The following SUSD6 variants were observed in gnomAD, a reference collection of about 807,000 sequenced individuals.
The protein encoded by SUSD6 is sushi domain containing 6.
SUSD6 carries 16 observed loss-of-function variants against 28.4 expected under a neutral mutation model. The observed-to-expected ratio is 0.56, with a 90% CI of 0.38 to 0.86. The LOEUF (loss-of-function observed/expected upper bound fraction) is 0.86, where lower values mean the gene tolerates loss of function less well. Among genes scored for constraint, SUSD6 ranks in the 40% least tolerant of loss-of-function variants. The probability of loss-of-function intolerance (pLI) is 0.00; values close to 1 mark genes in which losing one functional copy is unlikely to be tolerated. For synonymous variants in SUSD6, 147 were observed against 159.6 expected, an observed-to-expected ratio of 0.92 and a Z score of 0.59; for missense variants, 341 against 384.2, an observed-to-expected ratio of 0.89 and a Z score of 0.94.
intron 1 of SUSD6, among the ~76,000 whole-genome samples, chr14:69,646,944 G>T (rs937418607): frequency 6.6e-6 from 1 of 152,008 alleles, no homozygotes; most frequent in Non-Finnish European, 1.5e-5. Flanking sequence ...CTCGTGATCC[G>T]CCCGCCTTGG....
chr14:69,647,325 A>T (rs530062656), intron 1 of SUSD6, among the ~76,000 whole-genome samples: 174 of 152,274 alleles, frequency 1.1e-3, no homozygotes, highest in African/African-American at 4.0e-3. Flanking sequence ...GCTATCTTTT[A>T]GGGCTCTCTA....
intron 2 of SUSD6, among the ~76,000 whole-genome samples, chr14:69,699,445 C>A (rs1398832143): frequency 6.6e-6 from 1 of 152,132 alleles, no homozygotes; most frequent in African/African-American, 2.4e-5. Context: ...CTCAAGTGAT[C>A]CGCCCACCTT....
intron 1 of SUSD6, among the ~76,000 whole-genome samples, chr14:69,620,651 G>A (rs1315202774): frequency 6.6e-6 from 1 of 152,202 alleles, no homozygotes; most frequent in Non-Finnish European, 1.5e-5. Flanking sequence ...GGAAGAACTT[G>A]AAAAGTATCG....
chr14:69,646,837 G>A (rs1314906864), intron 1 of SUSD6, among the ~76,000 whole-genome samples: 1 of 151,680 alleles, frequency 6.6e-6, no homozygotes, highest in African/African-American at 2.4e-5. Flanking sequence ...TAGTAGCTGG[G>A]ACTACAGGCA....
chr14:69,673,018 T>C (rs1885857003), intron 2 of SUSD6, among the ~76,000 whole-genome samples: 1 of 152,204 alleles, frequency 6.6e-6, no homozygotes, highest in Non-Finnish European at 1.5e-5. Flanking sequence ...TTGTACTCTC[T>C]TGCACAGAGT....
At chr14:69,622,906 T>C (rs1885062511) in intron 1 of SUSD6, among the ~76,000 whole-genome samples, 1 of 152,200 alleles carries the variant, frequency 6.6e-6, no homozygotes, top group Admixed American at 6.5e-5. Context: ...ACTGCTTTCA[T>C]GTAAGATATC....
intron 1 of SUSD6, among the ~76,000 whole-genome samples, chr14:69,624,250 T>C (rs754768556): frequency 2.6e-5 from 4 of 152,266 alleles, no homozygotes; most frequent in Non-Finnish European, 5.9e-5. Context: ...TAGCCTAGGC[T>C]ATGCCATGTA....
intron 1 of SUSD6, among the ~76,000 whole-genome samples, chr14:69,641,624 C>G (rs1885354138): frequency 6.6e-6 from 1 of 152,078 alleles, no homozygotes; most frequent in Non-Finnish European, 1.5e-5. Flanking sequence ...GGGTCTCGCT[C>G]TGCCACCCAG....
In SUSD6 at chr14:69,713,892, C is replaced by T. The variant is rs1386640874; in HGVS notation, c.*2913C>T. On this transcript the variant is annotated 3_prime_UTR_variant, in exon 6 of 6. Transcript: ENST00000342745. ...GCTGACTCAGTGCAGGTTTAATATCCTGGTGACTTGCAGTCACATTCTAAT... is the reference window on the plus strand; with the variant it reads ...GCTGACTCAGTGCAGGTTTAATATCTTGGTGACTTGCAGTCACATTCTAAT... The T allele has an allele frequency of 1.4e-5, 2 of 145,252 alleles. No individual in the cohort carries two copies. The highest frequency in any genetic ancestry group is 2.2e-4 in the South Asian group (1 of 4,624). The allele number at this position is 145,252 out of a possible 1,614,324, so 9.0% of individuals were successfully genotyped here. A position where few individuals can be genotyped will look rare whatever the true frequency, so the allele number is the denominator to read the frequency against.
At chr14:69,709,594 C>T (rs1566609383) in intron 5 of SUSD6, among the ~76,000 whole-genome samples, 1 of 152,192 alleles carries the variant, frequency 6.6e-6, no homozygotes, top group Non-Finnish European at 1.5e-5. Context: ...TCCTAAGACA[C>T]AGGTATTTAT....
intron 2 of SUSD6, among the ~76,000 whole-genome samples, chr14:69,687,875 GTTTTTTTTC>G (rs1324164431): frequency 1.3e-5 from 2 of 151,730 alleles, no homozygotes; most frequent in African/African-American, 2.4e-5. Flanking sequence ...TTTTCTTTTT[GTTTTTTTTC>G]TTTTTTTTCC....
At chr14:69,669,785 G>A (rs1432129268) in intron 2 of SUSD6, among the ~76,000 whole-genome samples, 1 of 151,798 alleles carries the variant, frequency 6.6e-6, no homozygotes, top group Non-Finnish European at 1.5e-5. Context: ...AATAGGGTCT[G>A]AAGGAAGGAG....
At chr14:69,617,621 TAAAG>T (rs1476183289) in intron 1 of SUSD6, 1 of 152,214 alleles carries the variant, frequency 6.6e-6, no homozygotes, top group Non-Finnish European at 1.5e-5. Flanking sequence ...TTTAAACAAA[TAAAG>T]AGGATTTTCA....
intron 2 of SUSD6, among the ~76,000 whole-genome samples, chr14:69,685,320 G>A (rs932762218): frequency 4.6e-5 from 7 of 152,228 alleles, no homozygotes; most frequent in Non-Finnish European, 7.3e-5. Flanking sequence ...CCCCGTTGAG[G>A]AAGGAACCAT....
chr14:69,658,523 T>C lies in SUSD6; in HGVS notation c.-70T>C, dbSNP rs1258721520. On this transcript the variant is annotated 5_prime_UTR_variant, in exon 2 of 6. Transcript: ENST00000342745. Reference sequence around the variant, plus strand: ...GTTTGTTTGTTACAGGTGAATCAGCTCCCGGCCGACTTTAGGATTCTTCTG... The same window carrying C: ...GTTTGTTTGTTACAGGTGAATCAGCCCCCGGCCGACTTTAGGATTCTTCTG... 4 of 1,544,984 alleles carry C rather than the reference T, an allele frequency of 2.6e-6. No homozygotes were observed. In the East Asian group the frequency reaches 9.2e-5, roughly 35 times the overall value.
intron 1 of SUSD6, among the ~76,000 whole-genome samples, chr14:69,632,939 C>T (rs997963539): frequency 6.6e-6 from 1 of 152,210 alleles, no homozygotes; most frequent in Admixed American, 6.5e-5. Context: ...CCTTGTCATC[C>T]GCTGGCCTTC....
At chr14:69,619,943 C>T (rs1421243291) in intron 1 of SUSD6, among the ~76,000 whole-genome samples, 1 of 152,178 alleles carries the variant, frequency 6.6e-6, no homozygotes, top group Admixed American at 6.5e-5. Flanking sequence ...CTAAATGCAG[C>T]GTGAACACAC....
At chr14:69,699,742 A>G (rs985447972) in intron 2 of SUSD6, among the ~76,000 whole-genome samples, 4 of 152,224 alleles carry the variant, frequency 2.6e-5, no homozygotes, top group African/African-American at 4.8e-5. Flanking sequence ...TCCCACAGCC[A>G]TGGAAAATTA....
intron 1 of SUSD6, among the ~76,000 whole-genome samples, chr14:69,623,492 T>G (rs1885071573): frequency 6.6e-6 from 1 of 152,140 alleles, no homozygotes; most frequent in South Asian, 2.1e-4. Flanking sequence ...ATAATAACAG[T>G]GTTTCTGGTT....
Sources: allele counts gnomAD v4.1 joint callset (sites outside exome capture counted in the v4.1 genomes callset), GRCh38; gene constraint gnomAD v4.1.1; transcripts MANE v1.5; gene names NCBI Gene and HGNC (gene_info 2026-07-23, HGNC 2026-07-21).